Variants in ITFG1 observed in about 807,000 individuals in gnomAD.
ITFG1 encodes the protein integrin alpha FG-GAP repeat containing 1, also known as T-cell immunomodulatory protein.
ITFG1 carries 34 observed loss-of-function variants against 81.8 expected under a neutral mutation model. The observed-to-expected ratio is 0.42, with a 90% CI of 0.32 to 0.55. ITFG1 has a LOEUF of 0.55. Ranked by LOEUF, ITFG1 falls within the 20% of genes least tolerant of loss-of-function variation. The probability of loss-of-function intolerance (pLI) is 0.17; values close to 1 mark genes in which losing one functional copy is unlikely to be tolerated. For synonymous variants in ITFG1, 285 were observed against 270.6 expected, an observed-to-expected ratio of 1.05 and a Z score of -0.52; for missense variants, 672 against 755.4, an observed-to-expected ratio of 0.89 and a Z score of 1.29.
intron 10 of ITFG1, among the ~76,000 whole-genome samples, chr16:47,269,497 A>C (rs1372951584): frequency 6.6e-6 from 1 of 151,488 alleles, no homozygotes; most frequent in East Asian, 1.9e-4. Flanking sequence ...AAAAAAAAAA[A>C]AAAAAACTTG....
chr16:47,258,618 A>T lies in ITFG1; in HGVS notation c.1330+14T>A. 2 of 1,095,012 alleles carry T rather than the reference A, an allele frequency of 1.8e-6. No individual in the cohort carries two copies. The highest frequency in any genetic ancestry group is 2.4e-5 in the East Asian group (1 of 42,058). 67.8% of individuals were successfully genotyped at this position (1,095,012 alleles called of 1,614,324 possible). A position where few individuals can be genotyped will look rare whatever the true frequency, so the allele number is the denominator to read the frequency against. On this transcript the variant is annotated intron_variant, in intron 12 of 17. Coordinates refer to ENST00000320640, the MANE Select transcript of ITFG1 (RefSeq NM_030790.5). ...GAGAAAGAGAACAAAATTAAATGTT[A>T]GTACTTTACTCACCAATAACTTTAA...
At chr16:47,460,011 C>G (rs1423433723) in intron 1 of ITFG1, among the ~76,000 whole-genome samples, 1 of 152,198 alleles carries the variant, frequency 6.6e-6, no homozygotes, top group Non-Finnish European at 1.5e-5. Context: ...TGTAGGTACT[C>G]AAGAACCCTA....
chr16:47,217,856 C>T (rs1405442470), intron 14 of ITFG1, among the ~76,000 whole-genome samples: 1 of 152,084 alleles, frequency 6.6e-6, no homozygotes, highest in Non-Finnish European at 1.5e-5. Context: ...ACCCGGGAGG[C>T]GGAGCTTGCA....
intron 6 of ITFG1, among the ~76,000 whole-genome samples, chr16:47,396,597 GT>G (rs1288699895): frequency 6.6e-6 from 1 of 151,530 alleles, no homozygotes; most frequent in East Asian, 1.9e-4. Flanking sequence ...GAATTAGGGT[GT>G]CTGAATGTGA....
At position 47,278,285 on chromosome 16, in the gene ITFG1, A is replaced by G. The variant is rs1458625997; in HGVS notation, c.1071-17590T>C. On this transcript the variant is annotated intron_variant, in intron 10 of 17. Coordinates refer to ENST00000320640, the MANE Select transcript of ITFG1 (RefSeq NM_030790.5). Reference sequence around the variant, plus strand: ...GGAGAACACAAGTCACAGGGGTCTCAGTTGTATCAGAATAATCTGAACAAA... The same window carrying G: ...GGAGAACACAAGTCACAGGGGTCTCGGTTGTATCAGAATAATCTGAACAAA... Among the ~76,000 whole-genome samples the G allele has an allele frequency of 2.6e-5, 4 of 152,342 alleles. No individual in the cohort carries two copies. In the South Asian group the frequency reaches 8.3e-4, roughly 32 times the overall value.
intron 10 of ITFG1, among the ~76,000 whole-genome samples, chr16:47,278,662 T>G (rs1473075967): frequency 6.6e-6 from 1 of 152,118 alleles, no homozygotes; most frequent in Non-Finnish European, 1.5e-5. Flanking sequence ...GAAAAAAAAG[T>G]TGTGAAAGTG....
chr16:47,444,286 A>T (rs1395806705), intron 5 of ITFG1, among the ~76,000 whole-genome samples: 2 of 152,212 alleles, frequency 1.3e-5, no homozygotes, highest in African/African-American at 4.8e-5. Context: ...ATTTCTCATT[A>T]ATTAACTTAC....
At chr16:47,171,363 C>T (rs552871987) in intron 14 of ITFG1, among the ~76,000 whole-genome samples, 2 of 152,198 alleles carry the variant, frequency 1.3e-5, no homozygotes, top group East Asian at 1.9e-4. Context: ...ATCCTTTTAA[C>T]TTCTATAAGG....
At chr16:47,212,950 T>G (rs1003574176) in intron 14 of ITFG1, among the ~76,000 whole-genome samples, 2 of 152,336 alleles carry the variant, frequency 1.3e-5, no homozygotes, top group African/African-American at 4.8e-5. Context: ...TTGTTTACTT[T>G]AGGTTTGCTT....
intron 14 of ITFG1, among the ~76,000 whole-genome samples, chr16:47,174,334 A>G (rs1964996307): frequency 6.6e-6 from 1 of 152,152 alleles, no homozygotes; most frequent in South Asian, 2.1e-4. Context: ...TCTGACATCT[A>G]TTTGTCAAAA....
intron 8 of ITFG1, among the ~76,000 whole-genome samples, chr16:47,315,758 T>C (rs916799610): frequency 6.6e-5 from 10 of 151,902 alleles, no homozygotes; most frequent in African/African-American, 2.2e-4. Context: ...TCTTGTGCTA[T>C]TCTAAATGCC....
At chr16:47,295,826 C>A in intron 10 of ITFG1, among the ~76,000 whole-genome samples, 1 of 151,800 alleles carries the variant, frequency 6.6e-6, no homozygotes. Flanking sequence ...TTTATTATTT[C>A]TTTTCTTCTG....
At chr16:47,232,085 A>T (rs1965822136) in intron 13 of ITFG1, among the ~76,000 whole-genome samples, 1 of 152,192 alleles carries the variant, frequency 6.6e-6, no homozygotes. Context: ...AAGGGGATGG[A>T]TTCTCCCCAA....
intron 8 of ITFG1, among the ~76,000 whole-genome samples, chr16:47,323,294 T>C (rs181317974): frequency 2.5e-3 from 384 of 152,260 alleles, no homozygotes; most frequent in African/African-American, 8.5e-3. Context: ...TGGGTTATCA[T>C]GGGAGGAGAA....
chr16:47,309,378 T>C (rs1014639170), intron 10 of ITFG1, among the ~76,000 whole-genome samples: 2 of 152,154 alleles, frequency 1.3e-5, no homozygotes, highest in African/African-American at 4.8e-5. Flanking sequence ...CCTATTAACA[T>C]AACTTCTATA....
intron 6 of ITFG1, among the ~76,000 whole-genome samples, chr16:47,389,588 T>C (rs1157669963): frequency 6.6e-6 from 1 of 152,180 alleles, no homozygotes; most frequent in Non-Finnish European, 1.5e-5. Context: ...CATAAAATTA[T>C]ATAAAGTAAT....
chr16:47,315,786 T>C (rs1425084139), intron 8 of ITFG1, among the ~76,000 whole-genome samples: 2 of 151,810 alleles, frequency 1.3e-5, no homozygotes, highest in African/African-American at 2.4e-5. Context: ...TATACACATA[T>C]ATATAATTTA....
At chr16:47,303,170 C>T (rs1967103443) in intron 10 of ITFG1, among the ~76,000 whole-genome samples, 2 of 151,954 alleles carry the variant, frequency 1.3e-5, no homozygotes, top group African/African-American at 4.8e-5. Context: ...ACTCTGGAGG[C>T]TGAGGCAGGA....
intron 10 of ITFG1, among the ~76,000 whole-genome samples, chr16:47,279,059 A>G (rs912945675): frequency 3.9e-5 from 6 of 151,940 alleles, no homozygotes; most frequent in Non-Finnish European, 7.4e-5. Flanking sequence ...GAGATTTGCA[A>G]TTATTATTTC....
Sources: allele counts gnomAD v4.1 joint callset (sites outside exome capture counted in the v4.1 genomes callset), GRCh38; gene constraint gnomAD v4.1.1; transcripts MANE v1.5; gene names NCBI Gene and HGNC (gene_info 2026-07-23, HGNC 2026-07-21).